The following MGAT5 variants were observed in gnomAD, a reference collection of about 807,000 sequenced individuals.
The protein encoded by MGAT5 is alpha-1,6-mannosylglycoprotein 6-beta-N-acetylglucosaminyltransferase, also known as alpha-1,6-mannosylglycoprotein 6-beta-N-acetylglucosaminyltransferase A.
In MGAT5, 30 loss-of-function variants were observed where a neutral mutation model predicts 94.3. The ratio of observed to expected loss-of-function variants is 0.32; its 90% CI spans 0.24 to 0.43. The LOEUF is 0.43. MGAT5 is among the 20% of genes least tolerant of loss of function. MGAT5 has a pLI of 1.00. For synonymous variants in MGAT5, 310 were observed against 322.9 expected, an observed-to-expected ratio of 0.96 and a Z score of 0.43; for missense variants, 691 against 905.5, an observed-to-expected ratio of 0.76 and a Z score of 3.04.
intron 1 of MGAT5, among the ~76,000 whole-genome samples, chr2:134,231,879 C>T (rs1681382712): frequency 6.6e-6 from 1 of 152,178 alleles, no homozygotes; most frequent in Non-Finnish European, 1.5e-5. Context: ...TGGTACTTTA[C>T]ACCCAGTGAG....
intron 1 of MGAT5, among the ~76,000 whole-genome samples, chr2:134,132,422 A>G (rs921803915): frequency 6.6e-6 from 1 of 152,266 alleles, no homozygotes; most frequent in Non-Finnish European, 1.5e-5. Context: ...AAAGTTTCAT[A>G]AAAAGTACTT....
chr2:134,349,697 A>T, intron 8 of MGAT5, 108 bp from the exon 9 acceptor site: 1 of 1,241,986 alleles, frequency 8.1e-7, no homozygotes, highest in Non-Finnish European at 1.1e-6. Context: ...GCTTCTATTT[A>T]AAAGGATTTA....
intron 1 of MGAT5, among the ~76,000 whole-genome samples, chr2:134,196,603 A>G (rs1354301559): frequency 2.0e-5 from 3 of 152,258 alleles, no homozygotes; most frequent in African/African-American, 7.2e-5. Flanking sequence ...ACTCCTAATG[A>G]TAGTCGATGC....
intron 1 of MGAT5, among the ~76,000 whole-genome samples, chr2:134,199,684 T>C (rs1199330281): frequency 2.0e-5 from 3 of 152,200 alleles, no homozygotes; most frequent in African/African-American, 7.2e-5. Flanking sequence ...TGAATACTCA[T>C]TTTGTGGGTT....
chr2:134,124,052 C>T (rs1685731949), intron 1 of MGAT5, among the ~76,000 whole-genome samples: 1 of 152,244 alleles, frequency 6.6e-6, no homozygotes, highest in African/African-American at 2.4e-5. Flanking sequence ...ACATTTGTGA[C>T]TGATGCTGGC....
At chr2:134,130,033 C>T (rs1278639973) in intron 1 of MGAT5, among the ~76,000 whole-genome samples, 6 of 152,266 alleles carry the variant, frequency 3.9e-5, no homozygotes, top group Admixed American at 2.0e-4. Flanking sequence ...GCACTCGGAG[C>T]GGCCGGCTGG....
chr2:134,121,243 G>C (rs1291350572), intron 1 of MGAT5, among the ~76,000 whole-genome samples: 1 of 152,212 alleles, frequency 6.6e-6, no homozygotes, highest in African/African-American at 2.4e-5. Context: ...CCTGCTCCCC[G>C]TGGCGGGGTG....
Position 134,348,638 on chromosome 2 carries a change from C to T in MGAT5, c.1113-1167C>T, listed in dbSNP as rs564702138. 3.7e-4 allele frequency among the ~76,000 whole-genome samples: 57 copies of T among 152,238 alleles called. 1 individual carries two copies. Among genetic ancestry groups the T allele is most frequent in the Non-Finnish European group, 7.4e-4 (50 of 68,016 alleles). On this transcript the variant is annotated intron_variant, in intron 8 of 15. Transcript: ENST00000281923. ...GAGCCAGATTTTTAGAAGTCATTGCCATCATCTGATTCTAAAATGTGGGTT... is the reference window on the plus strand; with the variant it reads ...GAGCCAGATTTTTAGAAGTCATTGCTATCATCTGATTCTAAAATGTGGGTT...
At chr2:134,183,912 C>T (rs1688873201) in intron 1 of MGAT5, among the ~76,000 whole-genome samples, 1 of 152,174 alleles carries the variant, frequency 6.6e-6, no homozygotes, top group African/African-American at 2.4e-5. Context: ...TTGGTCCCAG[C>T]CGAGACGAAA....
At chr2:134,396,894 G>A (rs148139791) in intron 10 of MGAT5, among the ~76,000 whole-genome samples, 302 of 152,340 alleles carry the variant, frequency 2.0e-3, no homozygotes, top group African/African-American at 7.0e-3. Context: ...CTTCACCTGG[G>A]TGGATCCAGG....
At position 134,368,528 on chromosome 2, in the gene MGAT5, C is replaced by T. The variant is rs77072153; in HGVS notation, c.1380+6120C>T. Among the ~76,000 whole-genome samples, 1,139 of 152,312 alleles carry T rather than the reference C, an allele frequency of 7.5e-3. 13 individuals are homozygous for T. Among genetic ancestry groups the T allele is most frequent in the African/African-American group, 0.021 (892 of 41,556 alleles). On this transcript the variant is annotated intron_variant, in intron 10 of 15. Coordinates refer to ENST00000281923, the MANE Select transcript of MGAT5 (RefSeq NM_002410.5). ...CCCTGAAATGACACATGATCCCTTT[C>T]CTATATGCCTGAGAAATCAGGCAGC... is the stretch of plus-strand genomic sequence containing the variant.
At position 134,448,695 on chromosome 2, in the gene MGAT5, G is replaced by T; in HGVS notation, c.2074G>T (p.Val692Leu). The part of the protein sequence containing the change: ...QSSELAKDIL[V>L]PSFDPKNKHC... ...CTCAGAGCTGGCCAAGGACATCCTG[G>T]TGCCCTCCTTTGACCCTAAGAATAA... The change falls in exon 16 of 16, where the codon GTG (valine) becomes TTG (leucine). Residue 692 changes from valine (V) to leucine (L), a missense_variant. This residue lies in a region of MGAT5 where 260 missense variants were observed against 347.0 expected (regional missense o/e 0.75). Coordinates refer to ENST00000281923, the MANE Select transcript of MGAT5 (RefSeq NM_002410.5). The T allele has an allele frequency of 6.2e-7, 1 of 1,614,210 alleles. No homozygotes were observed. Among genetic ancestry groups the T allele is most frequent in the Non-Finnish European group, 8.5e-7 (1 of 1,180,040 alleles).
At chr2:134,277,570 C>CATGGGATTAAAATTTGAG (rs777636691) in intron 2 of MGAT5, among the ~76,000 whole-genome samples, 253 of 152,198 alleles carry the variant, frequency 1.7e-3, no homozygotes, top group Middle Eastern at 6.8e-3. Context: ...CCTCCCCTGA[C>CATGGGATTAAAATTTGAG]ATGGGATTAA....
chr2:134,350,484 A>G (rs1573888221), intron 9 of MGAT5, among the ~76,000 whole-genome samples: 1 of 152,142 alleles, frequency 6.6e-6, no homozygotes, highest in Admixed American at 6.6e-5. Flanking sequence ...CTGACTTGGT[A>G]TCATTGTTTT....
At chr2:134,183,728 C>G (rs902081883) in intron 1 of MGAT5, among the ~76,000 whole-genome samples, 1 of 152,200 alleles carries the variant, frequency 6.6e-6, no homozygotes, top group Non-Finnish European at 1.5e-5. Context: ...AATAGGCTGT[C>G]TGCAGCCATC....
intron 1 of MGAT5, among the ~76,000 whole-genome samples, chr2:134,219,126 C>G (rs539721369): frequency 6.6e-6 from 1 of 152,080 alleles, no homozygotes; most frequent in South Asian, 2.1e-4. Flanking sequence ...GGCTGGGAAC[C>G]CAGAGGAAGT....
At chr2:134,343,198 A>AT (rs1256800939) in intron 7 of MGAT5, among the ~76,000 whole-genome samples, 2 of 152,212 alleles carry the variant, frequency 1.3e-5, no homozygotes, top group African/African-American at 4.8e-5. Context: ...CAGAGACTGA[A>AT]TTTGATGGTC....
At chr2:134,280,599 G>A (rs1348625759) in intron 2 of MGAT5, among the ~76,000 whole-genome samples, 1 of 152,210 alleles carries the variant, frequency 6.6e-6, no homozygotes, top group Non-Finnish European at 1.5e-5. Context: ...GCTAGAGATG[G>A]GCTCTTGAAC....
chr2:134,288,494 A>G (rs1344319702), intron 2 of MGAT5, among the ~76,000 whole-genome samples: 1 of 152,094 alleles, frequency 6.6e-6, no homozygotes, highest in Non-Finnish European at 1.5e-5. Context: ...GCAAATCTAG[A>G]ATATTTACCA....
Sources: allele counts gnomAD v4.1 joint callset (sites outside exome capture counted in the v4.1 genomes callset), GRCh38; gene constraint gnomAD v4.1.1; regional missense constraint gnomAD v4.1.1; transcripts MANE v1.5; gene names NCBI Gene and HGNC (gene_info 2026-07-23, HGNC 2026-07-21).